The following ORC1 variants were observed in gnomAD, a reference collection of about 807,000 sequenced individuals.
ORC1 encodes the protein origin recognition complex subunit 1.
Under a neutral mutation model 98.9 loss-of-function variants are expected in ORC1, and 61 were observed. That is an observed-to-expected ratio of 0.62 (90% confidence interval 0.50 to 0.76). ORC1 has a LOEUF of 0.76. Ranked by LOEUF, ORC1 falls within the 30% of genes least tolerant of loss-of-function variation. The probability of loss-of-function intolerance (pLI) is 0.00; values close to 1 mark genes in which losing one functional copy is unlikely to be tolerated. For synonymous variants in ORC1, 385 were observed against 406.9 expected, an observed-to-expected ratio of 0.95 and a Z score of 0.65; for missense variants, 979 against 1,072.2, an observed-to-expected ratio of 0.91 and a Z score of 1.21.
Position 52,402,205 on chromosome 1 carries a change from T to G in ORC1, c.19A>C (p.Arg7=), listed in dbSNP as rs764272385. 1 of 1,614,174 alleles carries G rather than the reference T, an allele frequency of 6.2e-7. No homozygotes were observed. The highest frequency in any genetic ancestry group is 1.1e-5 in the South Asian group (1 of 91,076). MAHYPT[R]LKTRKTYSWV... ...GAATAAGTTTTTCTGGTCTTCAGCCTTGTGGGGTAGTGTGCCATGGCTTCT... is the reference window on the plus strand; with the variant it reads ...GAATAAGTTTTTCTGGTCTTCAGCCGTGTGGGGTAGTGTGCCATGGCTTCT... Residue 7 remains arginine, a synonymous_variant, in exon 2 of 17, where the codon AGG becomes CGG. Coordinates refer to ENST00000371568, the MANE Select transcript of ORC1 (RefSeq NM_004153.4).
At chr1:52,395,476 TTAAAAAATTAAA>T (rs1179147072) in intron 5 of ORC1, among the ~76,000 whole-genome samples, 2 of 152,234 alleles carry the variant, frequency 1.3e-5, no homozygotes, top group East Asian at 3.9e-4. Flanking sequence ...TTTCACATAT[TTAAAAAATTAAA>T]TAAAAAAAGG....
At chr1:52,404,723 C>T, upstream of ORC1, 3 of 1,607,902 alleles carry the variant, frequency 1.9e-6, no homozygotes, top group Non-Finnish European at 2.5e-6. Flanking sequence ...AAGGATCCGA[C>T]GGAAATAGAA....
At chr1:52,380,688 C>A (rs1265231307) in intron 14 of ORC1, among the ~76,000 whole-genome samples, 1 of 146,988 alleles carries the variant, frequency 6.8e-6, no homozygotes, top group African/African-American at 2.5e-5. Context: ...GAGTGAGATG[C>A]TGTTTCAAAA....
upstream of ORC1, chr1:52,408,686 T>C (rs748496357): frequency 1.2e-6 from 2 of 1,614,110 alleles, no homozygotes; most frequent in East Asian, 2.2e-5. Context: ...AGAACCGAAA[T>C]GGGGGTAAGT....
chr1:52,395,333 T>TAGGAA (rs1647345724), intron 5 of ORC1, among the ~76,000 whole-genome samples: 1 of 152,066 alleles, frequency 6.6e-6, no homozygotes. Context: ...AAACGAAACA[T>TAGGAA]AGGAAAGATA....
In ORC1 at chr1:52,391,462, G is replaced by T. The variant is rs1647210177; in HGVS notation, c.1082+1981C>A. ...GACCTAATGATACTAAAAAGCTTCT[G>T]CACAGCAAAAGAAATAATCAGCAGA... On this transcript the variant is annotated intron_variant, in intron 6 of 16. Transcript: ENST00000371568. Among the ~76,000 whole-genome samples the T allele has an allele frequency of 2.6e-5, 4 of 152,212 alleles. 1 individual carries two copies. In the South Asian group the frequency reaches 8.3e-4, roughly 32 times the overall value.
chr1:52,383,786 G>T, intron 12 of ORC1, 44 bp downstream of exon 12: 4 of 1,520,686 alleles, frequency 2.6e-6, no homozygotes, highest in Non-Finnish European at 3.6e-6. Flanking sequence ...TTGCTCCTGA[G>T]GTACAGCCCT....
intron 14 of ORC1, among the ~76,000 whole-genome samples, chr1:52,380,567 C>T (rs568306733): frequency 6.6e-5 from 10 of 152,104 alleles, no homozygotes; most frequent in African/African-American, 2.2e-4. Flanking sequence ...TGGTGGCACA[C>T]GCCTGTAATC....
Position 52,391,370 on chromosome 1 carries a change from T to A in ORC1, c.1083-2049A>T, listed in dbSNP as rs570257827. Among the ~76,000 whole-genome samples the A allele has an allele frequency of 6.5e-4, 98 of 150,554 alleles. 1 individual carries two copies. The Middle Eastern group carries it at 0.018, about 27-fold the overall frequency. ...ATTGGAAAAAGTCTTCTAGACATTGTTAGGCAAAGAATTCATGACTTAGAA... is the reference window on the plus strand; with the variant it reads ...ATTGGAAAAAGTCTTCTAGACATTGATAGGCAAAGAATTCATGACTTAGAA... On this transcript the variant is annotated intron_variant, in intron 6 of 16. Coordinates refer to ENST00000371568, the MANE Select transcript of ORC1 (RefSeq NM_004153.4).
intron 6 of ORC1, among the ~76,000 whole-genome samples, chr1:52,392,773 T>C (rs1467206645): frequency 6.6e-6 from 1 of 152,222 alleles, no homozygotes; most frequent in Non-Finnish European, 1.5e-5. Flanking sequence ...TGGATGGAGA[T>C]GAGACCATTA....
Position 52,375,480 on chromosome 1 carries a change from T to A in ORC1, c.2253A>T (p.Ser751=), listed in dbSNP as rs1258941361. The change falls in exon 15 of 17, where the codon TCA becomes TCT. Residue 751 remains serine, a synonymous_variant. Transcript: ENST00000371568. ...AAAACATCTCATCCACAGCTTCCAT[T>A]GAGTGGGCTATGGTGACCAGGCCAG... ...DSPGLVTIAH[S]MEAVDEMFSS... 6.2e-7 allele frequency: 1 copy of A among 1,614,112 alleles called. No homozygotes were observed. Among genetic ancestry groups the A allele is most frequent in the Admixed American group, 1.7e-5 (1 of 60,016 alleles).
intron 5 of ORC1, among the ~76,000 whole-genome samples, chr1:52,395,745 G>T (rs1420637236): frequency 6.6e-6 from 1 of 152,114 alleles, no homozygotes; most frequent in Non-Finnish European, 1.5e-5. Flanking sequence ...GAGCCCAAGA[G>T]GTCAAGCCTA....
chr1:52,375,803 A>G (rs939782822), intron 14 of ORC1, among the ~76,000 whole-genome samples: 17 of 151,052 alleles, frequency 1.1e-4, no homozygotes, highest in African/African-American at 3.9e-4. Context: ...TTTACAGTTA[A>G]CTCCACAGTG....
In ORC1 at chr1:52,375,439, G is replaced by A. The variant is rs760741211; in HGVS notation, c.2294C>T (p.Thr765Met). ...AAGTGGAGCATCTTACTTGATGGCC[G>A]TGATGTATGATGATGAAAACATCTC... ...VDEMFSSSYI[T>M]AIKNSSVLEQ... Residue 765 changes from threonine (T) to methionine (M), a missense_variant, in exon 15 of 17, where the codon ACG becomes ATG. Transcript: ENST00000371568. 75 of 1,613,942 alleles carry A rather than the reference G, an allele frequency of 4.6e-5. No individual in the cohort carries two copies. The Middle Eastern group carries it at 6.6e-4, about 14-fold the overall frequency.
chr1:52,375,707 T>G, intron 14 of ORC1, 108 bp from the exon 15 acceptor site: 1 of 1,009,396 alleles, frequency 9.9e-7, no homozygotes, highest in East Asian at 2.4e-5. Context: ...TACTTAGCCC[T>G]GGCAGGGAAC....
chr1:52,408,071 A>G (rs556320183), upstream of ORC1, among the ~76,000 whole-genome samples: 10 of 152,000 alleles, frequency 6.6e-5, no homozygotes, highest in African/African-American at 2.2e-4. Context: ...ATAAATAAAT[A>G]CATAAATAAA....
At chr1:52,389,003 T>C (rs1340033728) in intron 7 of ORC1, among the ~76,000 whole-genome samples, 1 of 152,196 alleles carries the variant, frequency 6.6e-6, no homozygotes, top group Non-Finnish European at 1.5e-5. Context: ...CTGGACATGA[T>C]GATTAGGGAT....
chr1:52,402,092 TG>T (rs777432913), intron 2 of ORC1, 36 bp downstream of exon 2: 26 of 1,441,662 alleles, frequency 1.8e-5, no homozygotes, highest in Non-Finnish European at 1.1e-5. Context: ...CTTGAGAAGC[TG>T]TATTTCCAGG....
At chr1:52,393,377 A>C in intron 6 of ORC1, 66 bp downstream of exon 6, 1 of 1,606,510 alleles carries the variant, frequency 6.2e-7, no homozygotes, top group Non-Finnish European at 8.5e-7. Flanking sequence ...TTTTTTGACT[A>C]TGACTCACAT....
Sources: gnomAD v4.1 joint callset for allele counts (sites outside exome capture counted in the v4.1 genomes callset) on GRCh38, gnomAD v4.1.1 for gene constraint, MANE v1.5 for transcripts, NCBI Gene and HGNC (gene_info 2026-07-23, HGNC 2026-07-21) for gene names.